The following CDH20 variants were observed in gnomAD, a reference collection of about 807,000 sequenced individuals.
CDH20 encodes the protein cadherin-20.
Under a neutral mutation model 74.2 loss-of-function variants are expected in CDH20, and 29 were observed. The observed-to-expected ratio is 0.39, with a 90% CI of 0.29 to 0.53. CDH20 has a LOEUF of 0.53. CDH20 is among the 20% of genes least tolerant of loss of function. CDH20 has a pLI of 0.69. For synonymous variants in CDH20, 469 were observed against 405.4 expected, an observed-to-expected ratio of 1.16 and a Z score of -1.88; for missense variants, 988 against 1,048.3, an observed-to-expected ratio of 0.94 and a Z score of 0.79.
intron 1 of CDH20, among the ~76,000 whole-genome samples, chr18:61,375,465 G>A (rs1305984460): frequency 6.6e-6 from 1 of 152,126 alleles, no homozygotes; most frequent in Non-Finnish European, 1.5e-5. Context: ...TTGCCATGCT[G>A]AATGCAGTGA....
At chr18:61,507,301 GAT>G in intron 5 of CDH20, 70 bp from the exon 6 acceptor site, 1 of 1,397,550 alleles carries the variant, frequency 7.2e-7, no homozygotes, top group Non-Finnish European at 1.0e-6. Flanking sequence ...CAGCACTCCT[GAT>G]ATGATAATGA....
chr18:61,375,190 C>T (rs150917989), intron 1 of CDH20, among the ~76,000 whole-genome samples: 1 of 152,238 alleles, frequency 6.6e-6, no homozygotes, highest in Non-Finnish European at 1.5e-5. Flanking sequence ...CACTTCCTAG[C>T]ATTAGAACTG....
chr18:61,443,263 A>C (rs577835346), intron 1 of CDH20, among the ~76,000 whole-genome samples: 8 of 152,162 alleles, frequency 5.3e-5, no homozygotes, highest in African/African-American at 1.7e-4. Context: ...TGGGCCAAAC[A>C]TGTCCCTTGG....
chr18:61,500,326 T>C (rs976200235), intron 3 of CDH20, 57 bp from the exon 4 acceptor site: 1 of 1,571,120 alleles, frequency 6.4e-7, no homozygotes, highest in Non-Finnish European at 8.7e-7. Flanking sequence ...CGCTCAGGAT[T>C]GCATCCAGCC....
Position 61,390,659 on chromosome 18 carries a change from T to C in CDH20, c.-153+56832T>C, listed in dbSNP as rs1035484189. On this transcript the variant is annotated intron_variant, in intron 1 of 11. Transcript: ENST00000262717. ...AGAGATCAAAAACAGAATACAGAGT[T>C]CAGAATTGAGCTCAAATGTATTTGG... Among the ~76,000 whole-genome samples the C allele has an allele frequency of 5.3e-5, 8 of 152,056 alleles. No individual in the cohort carries two copies. In the South Asian group the frequency reaches 1.7e-3, roughly 32 times the overall value.
rs114738518 is a variant in CDH20, at chr18:61,453,935, A to G, written c.-152-36467A>G. ...TTTACATTCTCCTCAGCAATGTATG[A>G]GTAACATAGCTCCTCCACTTCCTCA... On this transcript the variant is annotated intron_variant, in intron 1 of 11. Coordinates refer to ENST00000262717, the MANE Select transcript of CDH20 (RefSeq NM_031891.4). 6.2e-3 allele frequency among the ~76,000 whole-genome samples: 939 copies of G among 152,296 alleles called. 7 individuals carry two copies. Among genetic ancestry groups the G allele is most frequent in the African/African-American group, 0.02 (841 of 41,566 alleles).
intron 1 of CDH20, among the ~76,000 whole-genome samples, chr18:61,372,937 G>A (rs537961032): frequency 6.6e-6 from 1 of 152,172 alleles, no homozygotes; most frequent in Admixed American, 6.5e-5. Flanking sequence ...TGCTATGAAC[G>A]ACCTCTCACT....
chr18:61,441,168 T>A (rs752066044), intron 1 of CDH20, among the ~76,000 whole-genome samples: 2 of 152,168 alleles, frequency 1.3e-5, no homozygotes, highest in African/African-American at 4.8e-5. Context: ...AATAGCCCTC[T>A]AATAATCCTC....
intron 7 of CDH20, 133 bp downstream of exon 7, chr18:61,528,353 TG>T: frequency 1.0e-6 from 1 of 964,570 alleles, no homozygotes; most frequent in Non-Finnish European, 1.5e-6. Context: ...TTGAGTTTTT[TG>T]TGTTGTTTTT....
chr18:61,395,529 C>T (rs1008231530), intron 1 of CDH20, among the ~76,000 whole-genome samples: 1 of 152,154 alleles, frequency 6.6e-6, no homozygotes, highest in African/African-American at 2.4e-5. Context: ...CAAAGACCTT[C>T]TCCCTCACAT....
chr18:61,500,342 C>T (rs752298835), intron 3 of CDH20, 41 bp from the exon 4 acceptor site: 1 of 1,594,542 alleles, frequency 6.3e-7, no homozygotes, highest in Non-Finnish European at 8.6e-7. Flanking sequence ...CAGCCTTTAG[C>T]TATTAGACTT....
chr18:61,426,282 T>C (rs1042913482), intron 1 of CDH20, among the ~76,000 whole-genome samples: 5 of 152,094 alleles, frequency 3.3e-5, no homozygotes, highest in African/African-American at 4.8e-5. Context: ...CTTAAAGCTC[T>C]AAAACAGGGC....
intron 9 of CDH20, among the ~76,000 whole-genome samples, chr18:61,543,150 C>T (rs749495391): frequency 3.3e-5 from 5 of 152,154 alleles, no homozygotes; most frequent in Admixed American, 6.5e-5. Flanking sequence ...CAAAAGGCCC[C>T]GATGGGAGCT....
intron 6 of CDH20, among the ~76,000 whole-genome samples, chr18:61,526,705 T>A (rs1020559030): frequency 6.6e-6 from 1 of 151,872 alleles, no homozygotes. Context: ...AAAAAAAAAA[T>A]TCTGAAGATA....
intron 2 of CDH20, among the ~76,000 whole-genome samples, chr18:61,495,427 A>C: frequency 6.6e-6 from 1 of 151,702 alleles, no homozygotes; most frequent in African/African-American, 2.4e-5. Context: ...TGGGGCTGAA[A>C]CTCTCCAAGC....
chr18:61,394,736 G>A (rs547622527), intron 1 of CDH20, among the ~76,000 whole-genome samples: 19 of 152,112 alleles, frequency 1.2e-4, no homozygotes, highest in Admixed American at 7.2e-4. Flanking sequence ...GTACAGCAAC[G>A]AACTCCTCAT....
intron 1 of CDH20, among the ~76,000 whole-genome samples, chr18:61,338,491 C>T (rs1180378091): frequency 6.6e-6 from 1 of 151,992 alleles, no homozygotes. Context: ...AGAAATGATC[C>T]AATTCACCTC....
intron 1 of CDH20, among the ~76,000 whole-genome samples, chr18:61,370,075 G>A (rs574010983): frequency 1.3e-5 from 2 of 152,218 alleles, no homozygotes; most frequent in East Asian, 3.9e-4. Flanking sequence ...ATAAAAGTTA[G>A]ATAAAAATAA....
chr18:61,489,595 C>T (rs1231571143), intron 1 of CDH20, among the ~76,000 whole-genome samples: 1 of 151,568 alleles, frequency 6.6e-6, no homozygotes, highest in East Asian at 1.9e-4. Flanking sequence ...TGTGTCCCCA[C>T]GGTAGAAGTC....
Sources: gnomAD v4.1 joint callset for allele counts (sites outside exome capture counted in the v4.1 genomes callset) on GRCh38, gnomAD v4.1.1 for gene constraint, MANE v1.5 for transcripts, NCBI Gene and HGNC (gene_info 2026-07-23, HGNC 2026-07-21) for gene names.